The following USP38 variants were observed in gnomAD, a reference collection of about 807,000 sequenced individuals.
USP38 encodes the protein ubiquitin specific peptidase 38, also known as ubiquitin carboxyl-terminal hydrolase 38.
A neutral mutation model predicts 94.3 loss-of-function variants in USP38; 49 were observed. The observed-to-expected ratio is 0.52, with a 90% CI of 0.41 to 0.66. The LOEUF (loss-of-function observed/expected upper bound fraction) is 0.66, where lower values mean the gene tolerates loss of function less well. Among genes scored for constraint, USP38 ranks in the 30% least tolerant of loss-of-function variants. The pLI is 0.00. For synonymous variants in USP38, 468 were observed against 463.6 expected, an observed-to-expected ratio of 1.01 and a Z score of -0.12; for missense variants, 1,128 against 1,229.4, an observed-to-expected ratio of 0.92 and a Z score of 1.23.
At chr4:143,219,170 T>G (rs551712469) in intron 9 of USP38, among the ~76,000 whole-genome samples, 34 of 152,240 alleles carry the variant, frequency 2.2e-4, no homozygotes, top group Middle Eastern at 3.4e-3. Flanking sequence ...TAAGCCATTT[T>G]GTTACAAGGA....
intron 3 of USP38, among the ~76,000 whole-genome samples, chr4:143,196,662 A>G (rs1334011994): frequency 6.6e-6 from 1 of 152,218 alleles, no homozygotes; most frequent in African/African-American, 2.4e-5. Flanking sequence ...TACTCACAGC[A>G]TAGGTGTTCC....
At chr4:143,206,409 G>T (rs982525945) in intron 6 of USP38, among the ~76,000 whole-genome samples, 183 bp downstream of exon 6, 4 of 152,176 alleles carry the variant, frequency 2.6e-5, no homozygotes, top group African/African-American at 9.6e-5. Context: ...TTAACATTAG[G>T]CTGGGTGTGG....
At chr4:143,209,242 CT>C (rs1731956842) in intron 6 of USP38, among the ~76,000 whole-genome samples, 1 of 152,094 alleles carries the variant, frequency 6.6e-6, no homozygotes, top group South Asian at 2.1e-4. Context: ...TCCTTCTTTA[CT>C]GTTAGATAGA....
intron 7 of USP38, among the ~76,000 whole-genome samples, chr4:143,211,982 G>A (rs933836990): frequency 3.3e-5 from 5 of 152,170 alleles, no homozygotes; most frequent in East Asian, 1.9e-4. Context: ...AAACATGACT[G>A]TCATAGAGGG....
At chr4:143,196,047 T>C (rs903112292) in intron 3 of USP38, among the ~76,000 whole-genome samples, 7 of 152,220 alleles carry the variant, frequency 4.6e-5, no homozygotes, top group African/African-American at 9.6e-5. Context: ...TGCTCACAAC[T>C]GTAATCCCAG....
chr4:143,190,879 T>C (rs2149604256), intron 2 of USP38, among the ~76,000 whole-genome samples: 1 of 152,246 alleles, frequency 6.6e-6, no homozygotes, highest in East Asian at 1.9e-4. Context: ...GAATTCATAT[T>C]CCACTTCTTG....
chr4:143,215,038 A>G, intron 9 of USP38, 95 bp downstream of exon 9: 1 of 1,264,782 alleles, frequency 7.9e-7, no homozygotes. Context: ...ATGAGTTTTT[A>G]TTAAATTCTG....
rs1359193060 is a variant in USP38 at position 143,222,234 on chromosome 4, T to C, written c.*1778T>C. Reference sequence around the variant, plus strand: ...AATATCAGGTCTCTCAAGGATTTTATGTATCAAGATAATATGTATTGACTT... The same window carrying C: ...AATATCAGGTCTCTCAAGGATTTTACGTATCAAGATAATATGTATTGACTT... On this transcript the variant is annotated 3_prime_UTR_variant, in exon 10 of 10. Coordinates refer to ENST00000307017, the MANE Select transcript of USP38 (RefSeq NM_032557.6). 2 of 152,096 alleles carry C rather than the reference T, an allele frequency of 1.3e-5. No individual in the cohort carries two copies. Among genetic ancestry groups the C allele is most frequent in the Admixed American group, 6.6e-5 (1 of 15,246 alleles). The allele number at this position is 152,096 out of a possible 1,614,324, so 9.4% of individuals were successfully genotyped here.
intron 5 of USP38, 58 bp downstream of exon 5, chr4:143,203,624 A>T: frequency 6.6e-7 from 1 of 1,510,340 alleles, no homozygotes; most frequent in South Asian, 1.3e-5. Flanking sequence ...AAGGTGAAAC[A>T]TTCTTATAAC....
chr4:143,203,260 T>G, intron 4 of USP38, 148 bp from the exon 5 acceptor site: 1 of 773,004 alleles, frequency 1.3e-6, no homozygotes, highest in South Asian at 2.1e-5. Flanking sequence ...ATTTTAGAAA[T>G]GTTTAACTTA....
intron 1 of USP38, 137 bp downstream of exon 1, chr4:143,186,269 A>T (rs185471664): frequency 1.2e-6 from 1 of 811,566 alleles, no homozygotes; most frequent in East Asian, 2.6e-5. Context: ...CTCATCCCAA[A>T]TTTATTCACA....
chr4:143,218,271 T>C (rs1238152282), intron 9 of USP38, among the ~76,000 whole-genome samples: 1 of 152,142 alleles, frequency 6.6e-6, no homozygotes, highest in Non-Finnish European at 1.5e-5. Flanking sequence ...AATATAAATA[T>C]ACTGAAAATT....
chr4:143,192,191 T>G (rs1192327861), intron 2 of USP38, among the ~76,000 whole-genome samples: 1 of 152,210 alleles, frequency 6.6e-6, no homozygotes, highest in East Asian at 1.9e-4. Context: ...ACACAAATAT[T>G]TATTTCATGA....
intron 7 of USP38, 33 bp downstream of exon 7, chr4:143,209,690 T>A: frequency 7.4e-7 from 1 of 1,351,712 alleles, no homozygotes; most frequent in Non-Finnish European, 1.0e-6. Context: ...TACGTTTATG[T>A]TAACTGCGTG....
At chr4:143,208,097 T>C (rs1377909043) in intron 6 of USP38, among the ~76,000 whole-genome samples, 2 of 152,182 alleles carry the variant, frequency 1.3e-5, no homozygotes, top group African/African-American at 4.8e-5. Context: ...GAATCCTATT[T>C]ATATATTCTT....
In USP38 at chr4:143,220,620, A is replaced by C; in HGVS notation, c.*164A>C. 1.4e-6 allele frequency: 1 copy of C among 705,256 alleles called. No individual in the cohort carries two copies. The highest frequency in any genetic ancestry group is 1.9e-6 in the Non-Finnish European group (1 of 526,650). 43.7% of individuals were successfully genotyped at this position (705,256 alleles called of 1,614,324 possible). On this transcript the variant is annotated 3_prime_UTR_variant, in exon 10 of 10. Coordinates refer to ENST00000307017, the MANE Select transcript of USP38 (RefSeq NM_032557.6). ...TATTTTCTTGACACATTTATTAACAAAATGCATCATGGAAAAAAAAATCTA... is the reference window on the plus strand; with the variant it reads ...TATTTTCTTGACACATTTATTAACACAATGCATCATGGAAAAAAAAATCTA...
At chr4:143,195,118 C>T (rs1222840011) in intron 2 of USP38, among the ~76,000 whole-genome samples, 2 of 152,176 alleles carry the variant, frequency 1.3e-5, no homozygotes, top group African/African-American at 4.8e-5. Context: ...TTAGACTGTA[C>T]TCACCAGGAA....
Position 143,203,518 on chromosome 4 carries a change from T to C in USP38, c.1161T>C (p.His387=), listed in dbSNP as rs768669626. The part of the protein sequence containing the change: ...LTELIHCMMY[H]YSGFPDLYEP... ...AATTGATACACTGTATGATGTATCA[T>C]TATTCTGGATTTCCAGATCTCTATG... The change falls in exon 5 of 10, where the codon CAT becomes CAC. Residue 387 remains histidine, a synonymous_variant. Coordinates refer to ENST00000307017, the MANE Select transcript of USP38 (RefSeq NM_032557.6). 7 of 1,612,620 alleles carry C rather than the reference T, an allele frequency of 4.3e-6. No individual in the cohort carries two copies. The African/African-American group carries it at 8.0e-5, about 18-fold the overall frequency.
intron 9 of USP38, among the ~76,000 whole-genome samples, chr4:143,218,058 C>T (rs528440287): frequency 6.6e-6 from 1 of 152,216 alleles, no homozygotes; most frequent in South Asian, 2.1e-4. Flanking sequence ...AGATTACCCA[C>T]CCATCTGTCG....
Sources: allele counts gnomAD v4.1 joint callset (sites outside exome capture counted in the v4.1 genomes callset), GRCh38; gene constraint gnomAD v4.1.1; transcripts MANE v1.5; gene names NCBI Gene and HGNC (gene_info 2026-07-23, HGNC 2026-07-21).